DLG2: variants seen among roughly 807,000 people sequenced by gnomAD.
DLG2 encodes the protein disks large homolog 2.
Under a neutral mutation model 132.5 loss-of-function variants are expected in DLG2, and 45 were observed. The observed-to-expected ratio is 0.34, with a 90% CI of 0.27 to 0.44. DLG2 has a LOEUF of 0.44. DLG2 is among the 20% of genes least tolerant of loss of function. The probability of loss-of-function intolerance (pLI) is 1.00; values close to 1 mark genes in which losing one functional copy is unlikely to be tolerated. For missense variants in DLG2, 1,045 were observed against 1,196.9 expected, an observed-to-expected ratio of 0.87 and a Z score of 1.87; for synonymous variants, 424 against 419.6, an observed-to-expected ratio of 1.01 and a Z score of -0.13.
intron 7 of DLG2, among the ~76,000 whole-genome samples, chr11:84,338,643 T>C (rs889820330): frequency 7.2e-5 from 11 of 151,914 alleles, no homozygotes; most frequent in Non-Finnish European, 1.3e-4. Context: ...GCTAACATGC[T>C]GAAATACAAA....
chr11:83,621,404 T>C (rs1187939528), intron 19 of DLG2, among the ~76,000 whole-genome samples: 1 of 152,146 alleles, frequency 6.6e-6, no homozygotes, highest in East Asian at 1.9e-4. Flanking sequence ...GAGGCACTTT[T>C]ATGCATTTTC....
At chr11:85,323,838 C>T (rs1441806561) in intron 3 of DLG2, among the ~76,000 whole-genome samples, 2 of 152,222 alleles carry the variant, frequency 1.3e-5, no homozygotes, top group South Asian at 4.1e-4. Context: ...GAATTCCATT[C>T]TTTTTATCGC....
At chr11:84,725,711 C>G (rs957314114) in intron 6 of DLG2, among the ~76,000 whole-genome samples, 1 of 151,938 alleles carries the variant, frequency 6.6e-6, no homozygotes, top group African/African-American at 2.4e-5. Context: ...TTTCTTGTTC[C>G]GTAAAATGGT....
chr11:84,381,677 C>T (rs1334950685), intron 7 of DLG2, among the ~76,000 whole-genome samples: 4 of 152,098 alleles, frequency 2.6e-5, no homozygotes, highest in African/African-American at 9.7e-5. Context: ...AAACTATTTC[C>T]TCCTCCCTCC....
intron 8 of DLG2, among the ~76,000 whole-genome samples, chr11:84,225,428 G>A (rs989516762): frequency 6.6e-6 from 1 of 152,320 alleles, no homozygotes; most frequent in South Asian, 2.1e-4. Flanking sequence ...TATATCTGGA[G>A]ACAGTTGTTC....
intron 21 of DLG2, among the ~76,000 whole-genome samples, chr11:83,489,399 A>C (rs2138042989): frequency 6.6e-6 from 1 of 152,146 alleles, no homozygotes; most frequent in African/African-American, 2.4e-5. Flanking sequence ...GAAAACACAT[A>C]GATCAGAAGA....
intron 8 of DLG2, among the ~76,000 whole-genome samples, chr11:84,240,243 T>C (rs1284540333): frequency 1.3e-5 from 2 of 152,220 alleles, no homozygotes; most frequent in Non-Finnish European, 2.9e-5. Flanking sequence ...AAAAGGTACT[T>C]GGGTCCTTTT....
intron 18 of DLG2, among the ~76,000 whole-genome samples, chr11:83,778,867 G>A (rs1219305718): frequency 6.6e-6 from 1 of 152,120 alleles, no homozygotes; most frequent in African/African-American, 2.4e-5. Flanking sequence ...TTAGATGGAG[G>A]TTGGGGAGGA....
chr11:85,003,524 T>C (rs1176269740), intron 6 of DLG2, among the ~76,000 whole-genome samples: 12 of 152,290 alleles, frequency 7.9e-5, no homozygotes, highest in African/African-American at 2.9e-4. Flanking sequence ...ACTTAAGTCA[T>C]TTAATCTTAT....
intron 4 of DLG2, among the ~76,000 whole-genome samples, chr11:85,191,116 G>C (rs944556583): frequency 5.3e-5 from 8 of 149,672 alleles, no homozygotes; most frequent in African/African-American, 2.0e-4. Context: ...AATCAATCTG[G>C]GTGATGAAAT....
At chr11:84,135,864 G>T (rs34623898) in intron 9 of DLG2, among the ~76,000 whole-genome samples, 3,322 of 152,220 alleles carry the variant, frequency 0.022, 87 homozygotes, top group Admixed American at 0.078. Flanking sequence ...GTAATACATT[G>T]TGGGGACTTA....
At chr11:85,531,386 C>T (rs960677917) in intron 3 of DLG2, among the ~76,000 whole-genome samples, 1 of 152,168 alleles carries the variant, frequency 6.6e-6, no homozygotes, top group African/African-American at 2.4e-5. Context: ...TTTCTACAAC[C>T]TCAGATGCTC....
chr11:84,714,491 G>A (rs902706696), intron 6 of DLG2, among the ~76,000 whole-genome samples: 2 of 152,004 alleles, frequency 1.3e-5, no homozygotes, highest in African/African-American at 4.8e-5. Flanking sequence ...GAGTGTTAGA[G>A]CACCCTCTGG....
chr11:85,191,608 A>T (rs1328673771), intron 4 of DLG2, among the ~76,000 whole-genome samples: 1 of 152,192 alleles, frequency 6.6e-6, no homozygotes, highest in Non-Finnish European at 1.5e-5. Context: ...ATTACAGGGA[A>T]CCTTTGGAGT....
intron 25 of DLG2, among the ~76,000 whole-genome samples, chr11:83,468,671 T>TA (rs1385603494): frequency 7.2e-5 from 11 of 152,150 alleles, no homozygotes; most frequent in Non-Finnish European, 1.0e-4. Context: ...GGTGCCTTCC[T>TA]ATGGTACCCT....
chr11:84,860,000 G>A (rs183001875), intron 6 of DLG2, among the ~76,000 whole-genome samples: 1 of 152,230 alleles, frequency 6.6e-6, no homozygotes, highest in African/African-American at 2.4e-5. Flanking sequence ...TGTTACAACA[G>A]CCATGCATTG....
chr11:84,322,965 A>C (rs2154397611), intron 7 of DLG2, among the ~76,000 whole-genome samples: 1 of 152,298 alleles, frequency 6.6e-6, no homozygotes, highest in Admixed American at 6.5e-5. Context: ...ATTCCCTCGC[A>C]ATCAAGTCAC....
intron 8 of DLG2, among the ~76,000 whole-genome samples, chr11:84,249,502 G>T (rs1267965922): frequency 1.3e-5 from 2 of 152,168 alleles, no homozygotes; most frequent in Non-Finnish European, 2.9e-5. Flanking sequence ...GTGAGTCCTT[G>T]AACCAGTTAC....
chr11:84,040,455 C>T (rs1388183778), intron 11 of DLG2, among the ~76,000 whole-genome samples: 1 of 150,620 alleles, frequency 6.6e-6, no homozygotes, highest in African/African-American at 2.4e-5. Flanking sequence ...CCAGTTTTCC[C>T]GGCACCATTT....
Sources: allele counts gnomAD v4.1 joint callset (sites outside exome capture counted in the v4.1 genomes callset), GRCh38; gene constraint gnomAD v4.1.1; transcripts MANE v1.5; gene names NCBI Gene and HGNC (gene_info 2026-07-23, HGNC 2026-07-21).